Variants in HPSE2 observed in about 807,000 individuals in gnomAD.
The protein encoded by HPSE2 is inactive heparanase-2.
A neutral mutation model predicts 60.5 loss-of-function variants in HPSE2; 38 were observed. That is an observed-to-expected ratio of 0.63 (90% CI 0.48 to 0.82). HPSE2 has a LOEUF of 0.82. Among genes scored for constraint, HPSE2 ranks in the 40% least tolerant of loss-of-function variants. The pLI, the probability that HPSE2 is intolerant of heterozygous loss-of-function variation, is 0.00. For synonymous variants in HPSE2, 295 were observed against 293.2 expected, an observed-to-expected ratio of 1.01 and a Z score of -0.06; for missense variants, 713 against 740.4, an observed-to-expected ratio of 0.96 and a Z score of 0.43.
At chr10:98,936,994 A>AC (rs1259557504) in intron 3 of HPSE2, among the ~76,000 whole-genome samples, 5 of 140,910 alleles carry the variant, frequency 3.5e-5, no homozygotes, top group African/African-American at 1.5e-4. Context: ...AAAAAAAAAA[A>AC]AAAAAAAAAA....
At chr10:99,015,802 A>G (rs1186857136) in intron 3 of HPSE2, among the ~76,000 whole-genome samples, 1 of 152,210 alleles carries the variant, frequency 6.6e-6, no homozygotes, top group East Asian at 1.9e-4. Flanking sequence ...CATGTACCCT[A>G]AAACTTAAAG....
intron 3 of HPSE2, among the ~76,000 whole-genome samples, chr10:98,837,287 A>T (rs1219198358): frequency 6.6e-6 from 1 of 152,188 alleles, no homozygotes; most frequent in Non-Finnish European, 1.5e-5. Context: ...GTGACCCAAA[A>T]GATTTTGTGT....
intron 9 of HPSE2, among the ~76,000 whole-genome samples, chr10:98,585,647 T>C (rs1256450988): frequency 1.3e-5 from 2 of 151,774 alleles, no homozygotes; most frequent in Non-Finnish European, 2.9e-5. Context: ...GAAGTATGTT[T>C]TTGGTAAGTA....
intron 3 of HPSE2, among the ~76,000 whole-genome samples, chr10:98,748,543 T>C (rs1949680496): frequency 2.0e-5 from 3 of 152,120 alleles, no homozygotes; most frequent in South Asian, 4.1e-4. Flanking sequence ...CACAGGCATA[T>C]AATTCTAAGA....
At chr10:99,241,440 AC>A in the HPSE2 span, among the ~76,000 whole-genome samples, 1 of 152,200 alleles carries the variant, frequency 6.6e-6, no homozygotes, top group Non-Finnish European at 1.5e-5. Flanking sequence ...AAGTTTATGT[AC>A]GGGGAAAGTA....
chr10:99,135,031 G>A (rs1554896817), intron 3 of HPSE2, among the ~76,000 whole-genome samples: 2 of 152,006 alleles, frequency 1.3e-5, no homozygotes, highest in African/African-American at 4.8e-5. Context: ...TATTTACCAA[G>A]GAAATGGAAA....
chr10:98,634,573 G>A (rs1468634819), intron 7 of HPSE2, among the ~76,000 whole-genome samples: 1 of 152,150 alleles, frequency 6.6e-6, no homozygotes, highest in East Asian at 1.9e-4. Context: ...GATCAAATAA[G>A]CAGGTAAACT....
At chr10:98,941,889 TCAATGGAA>T (rs1955016381) in intron 3 of HPSE2, among the ~76,000 whole-genome samples, 1 of 140,338 alleles carries the variant, frequency 7.1e-6, no homozygotes, top group Non-Finnish European at 1.5e-5. Flanking sequence ...GAGATATAGA[TCAATGGAA>T]CAGAACAGAG....
intron 3 of HPSE2, among the ~76,000 whole-genome samples, chr10:98,992,144 G>C (rs1956540517): frequency 6.6e-6 from 1 of 152,112 alleles, no homozygotes. Flanking sequence ...TCATATGTAA[G>C]GCAACTTTTA....
At chr10:98,632,661 C>T (rs1244793745) in intron 7 of HPSE2, among the ~76,000 whole-genome samples, 1 of 152,184 alleles carries the variant, frequency 6.6e-6, no homozygotes, top group Non-Finnish European at 1.5e-5. Flanking sequence ...CCGAGAAGTT[C>T]ATGGAGCTTA....
At chr10:98,873,886 C>CT (rs1240571906) in intron 3 of HPSE2, among the ~76,000 whole-genome samples, 31 of 152,026 alleles carry the variant, frequency 2.0e-4, no homozygotes, top group African/African-American at 7.5e-4. Flanking sequence ...CTATTCTTGA[C>CT]TTTTTAATAA....
At chr10:99,162,545 G>A (rs1013916103) in intron 2 of HPSE2, among the ~76,000 whole-genome samples, 1 of 152,142 alleles carries the variant, frequency 6.6e-6, no homozygotes, top group African/African-American at 2.4e-5. Context: ...AGCAAGAAAA[G>A]GAAGATGCTG....
chr10:98,725,634 CAAATGGGATCTAATTAA>C (rs1210120200), intron 4 of HPSE2, among the ~76,000 whole-genome samples: 1 of 152,140 alleles, frequency 6.6e-6, no homozygotes, highest in African/African-American at 2.4e-5. Flanking sequence ...CCAAAATTGA[CAAATGGGATCTAATTAA>C]ACTAAAGAGC....
chr10:99,024,796 A>G (rs1957339795), intron 3 of HPSE2, among the ~76,000 whole-genome samples: 1 of 152,174 alleles, frequency 6.6e-6, no homozygotes, highest in Non-Finnish European at 1.5e-5. Context: ...CATTTACCCT[A>G]GAATAAATAT....
At chr10:99,122,696 T>C (rs1020657481) in intron 3 of HPSE2, among the ~76,000 whole-genome samples, 5 of 152,074 alleles carry the variant, frequency 3.3e-5, no homozygotes, top group African/African-American at 9.6e-5. Context: ...TTTTCTTAAG[T>C]GGAAGACAAT....
chr10:98,989,317 T>TA (rs1189706463), intron 3 of HPSE2, among the ~76,000 whole-genome samples: 1 of 152,082 alleles, frequency 6.6e-6, no homozygotes, highest in Non-Finnish European at 1.5e-5. Context: ...TAGGCAGCCA[T>TA]AAAAAATGAT....
intron 3 of HPSE2, among the ~76,000 whole-genome samples, chr10:99,071,226 C>T (rs559525706): frequency 6.6e-6 from 1 of 151,926 alleles, no homozygotes; most frequent in Non-Finnish European, 1.5e-5. Flanking sequence ...CCCACCACCA[C>T]GCCCAGCTAA....
intron 3 of HPSE2, among the ~76,000 whole-genome samples, chr10:99,115,620 T>G (rs1844658271): frequency 6.6e-6 from 1 of 152,196 alleles, no homozygotes; most frequent in South Asian, 2.1e-4. Context: ...CTGTATTAAC[T>G]GCCAATGCAA....
intron 3 of HPSE2, among the ~76,000 whole-genome samples, chr10:98,986,804 A>C (rs557939862): frequency 6.6e-4 from 100 of 151,990 alleles, no homozygotes; most frequent in Middle Eastern, 3.4e-3. Context: ...AAAATGATAA[A>C]GGGGATATCA....
Sources: allele counts gnomAD v4.1 joint callset (sites outside exome capture counted in the v4.1 genomes callset), GRCh38; gene constraint gnomAD v4.1.1; transcripts MANE v1.5; gene names NCBI Gene and HGNC (gene_info 2026-07-23, HGNC 2026-07-21).